Variants in DERA observed in about 807,000 individuals in gnomAD.
DERA encodes 2-deoxy-D-ribose 5-phosphate aldolase.
In DERA, 15 loss-of-function variants were observed where a neutral mutation model predicts 41.1. That is an observed-to-expected ratio of 0.37 (90% CI 0.24 to 0.56). DERA has a LOEUF of 0.56. DERA is among the 20% of genes least tolerant of loss of function. The pLI, the probability that DERA is intolerant of heterozygous loss-of-function variation, is 0.81. For missense variants in DERA, 396 were observed against 403.4 expected (o/e 0.98, Z 0.16); for synonymous variants, 139 against 137.4 (o/e 1.01, Z -0.08).
Position 15,925,682 on chromosome 12 carries a change from A to T in DERA, c.31+14268A>T, listed in dbSNP as rs568388894. On this transcript the variant is annotated intron_variant, in intron 1 of 8. Coordinates refer to ENST00000428559, the MANE Select transcript of DERA (RefSeq NM_015954.4). The stretch of plus-strand genomic sequence containing the variant: ...ATTGCCTAGTATCATCTCCTGAAGA[A>T]GTAGAACTTTGAAGGTTTAGTCCCT... Among the ~76,000 whole-genome samples, 4 of 152,286 alleles carry T rather than the reference A, an allele frequency of 2.6e-5. No homozygotes were observed. The South Asian group carries it at 6.2e-4, about 24-fold the overall frequency.
At position 15,982,541 on chromosome 12, in the gene DERA, G is replaced by C. The variant is rs1948739912; in HGVS notation, c.637+105G>C. The C allele has an allele frequency of 7.9e-7, 1 of 1,264,546 alleles. No individual in the cohort carries two copies. Among genetic ancestry groups the C allele is most frequent in the African/African-American group, 1.5e-5 (1 of 66,196 alleles). 78.3% of individuals were successfully genotyped at this position (1,264,546 alleles called of 1,614,324 possible). On this transcript the variant is annotated intron_variant, in intron 6 of 8. Coordinates refer to ENST00000428559, the MANE Select transcript of DERA (RefSeq NM_015954.4). The surrounding 1 kb of genome is among the most constrained non-coding windows in gnomAD (Gnocchi z 4.0). ...TATTATTAAACGTGCTAACCACTTG[G>C]AATTTTTTTGCGGGAGGAATCGGAT... is the stretch of plus-strand genomic sequence containing the variant.
In DERA at chr12:16,032,524, T is replaced by TGAC; in HGVS notation, c.638-18_638-17insGAC. 1.5e-6 allele frequency: 2 copies of TGAC among 1,303,070 alleles called. No individual in the cohort carries two copies. The highest frequency in any genetic ancestry group is 1.0e-6 in the Non-Finnish European group (1 of 976,410). The allele number at this position is 1,303,070 out of a possible 1,614,324, so 80.7% of individuals were successfully genotyped here. A position where few individuals can be genotyped will look rare whatever the true frequency, so the allele number is the denominator to read the frequency against. Reference sequence around the variant, plus strand: ...AGAATCTTTAATTAACATGGAGTTTTTCCTCTTTTTGTTTTAGGATCAGAT... The same window carrying TGAC: ...AGAATCTTTAATTAACATGGAGTTTTGACTCCTCTTTTTGTTTTAGGATCAGAT... On this transcript the variant is annotated splice_polypyrimidine_tract_variant and intron_variant, in intron 6 of 8. Coordinates refer to ENST00000428559, the MANE Select transcript of DERA (RefSeq NM_015954.4).
rs370689778 is a variant in DERA at position 15,911,693 on chromosome 12, C to T, written c.31+279C>T. On this transcript the variant is annotated intron_variant, in intron 1 of 8. Coordinates refer to ENST00000428559, the MANE Select transcript of DERA (RefSeq NM_015954.4). The surrounding 1 kb of genome is among the most constrained non-coding windows in gnomAD (Gnocchi z 4.5). The stretch of plus-strand genomic sequence containing the variant: ...TCCTGCCTTTTCGTTCACTCTAGCT[C>T]GCTGGTTGGAAAACCCAACAACCCA... The T allele has an allele frequency of 3.0e-6, 2 of 669,178 alleles. No individual in the cohort carries two copies. The highest frequency in any genetic ancestry group is 2.0e-5 in the Admixed American group (1 of 48,900). 41.5% of individuals were successfully genotyped at this position (669,178 alleles called of 1,614,324 possible).
intron 5 of DERA, among the ~76,000 whole-genome samples, chr12:15,969,690 G>T (rs1247437791): frequency 6.6e-6 from 1 of 152,162 alleles, no homozygotes; most frequent in Admixed American, 6.5e-5. Flanking sequence ...CTTACATGAA[G>T]AGAATCCTAA....
Position 16,004,920 on chromosome 12 carries a change from A to C in DERA, c.637+22484A>C, listed in dbSNP as rs1948899521. On this transcript the variant is annotated intron_variant, in intron 6 of 8. Coordinates refer to ENST00000428559, the MANE Select transcript of DERA (RefSeq NM_015954.4). The surrounding 1 kb of genome is among the most constrained non-coding windows in gnomAD (Gnocchi z 4.2). The stretch of plus-strand genomic sequence containing the variant: ...ATAATTTAATGGGATTTATGAACCT[A>C]TTTTAAGAGTTAGAGTCTGTGAATA... Among the ~76,000 whole-genome samples the C allele has an allele frequency of 6.6e-6, 1 of 152,208 alleles. No individual in the cohort carries two copies. Among genetic ancestry groups the C allele is most frequent in the Non-Finnish European group, 1.5e-5 (1 of 68,020 alleles).
intron 1 of DERA, among the ~76,000 whole-genome samples, chr12:15,934,693 C>T (rs544949138): frequency 2.6e-5 from 4 of 152,200 alleles, no homozygotes; most frequent in African/African-American, 7.2e-5. Context: ...CCTCTTTCTT[C>T]GACTTCTTGA....
chr12:15,994,517 G>A lies in DERA; in HGVS notation c.637+12081G>A, dbSNP rs543442255. 1.3e-5 allele frequency among the ~76,000 whole-genome samples: 2 copies of A among 152,250 alleles called. No homozygotes were observed. Among genetic ancestry groups the A allele is most frequent in the Admixed American group, 6.5e-5 (1 of 15,294 alleles). On this transcript the variant is annotated intron_variant, in intron 6 of 8. Transcript: ENST00000428559. The surrounding 1 kb of genome is among the most constrained non-coding windows in gnomAD (Gnocchi z 4.8). ...CGCCCAGGCTGGAGTGCAGTGGCGCGATCTCTGCTCACTGCAAGCTCTGCC... is the reference window on the plus strand; with the variant it reads ...CGCCCAGGCTGGAGTGCAGTGGCGCAATCTCTGCTCACTGCAAGCTCTGCC...
At chr12:16,002,623 C>A (rs1192679948) in intron 6 of DERA, among the ~76,000 whole-genome samples, 5 of 152,148 alleles carry the variant, frequency 3.3e-5, no homozygotes, top group African/African-American at 1.2e-4. Context: ...CACACAAATC[C>A]TCTCAGCAAA....
In DERA at chr12:15,992,713, C is replaced by A. The variant is rs1948810356; in HGVS notation, c.637+10277C>A. On this transcript the variant is annotated intron_variant, in intron 6 of 8. Coordinates refer to ENST00000428559, the MANE Select transcript of DERA (RefSeq NM_015954.4). This position sits in a 1 kb window ranked among gnomAD's most constrained non-coding sequence, Gnocchi z 4.3. ...ACTTACAGAAAAGAGAAGTGTAAAG[C>A]AGGTCAATCTACTGCTAAGGGATTT... Among the ~76,000 whole-genome samples the A allele has an allele frequency of 3.9e-5, 6 of 152,084 alleles. No individual in the cohort carries two copies. The highest frequency in any genetic ancestry group is 3.9e-4 in the Admixed American group (6 of 15,278).
In DERA at chr12:15,976,232, T is replaced by G. The variant is rs1948696104; in HGVS notation, c.509-6076T>G. On this transcript the variant is annotated intron_variant, in intron 5 of 8. Coordinates refer to ENST00000428559, the MANE Select transcript of DERA (RefSeq NM_015954.4). This position sits in a 1 kb window ranked among gnomAD's most constrained non-coding sequence, Gnocchi z 4.1. ...CCATTATCCATTATCTTCAGTATAT[T>G]CATCTTTTTTATCAATATTTGCCTT... is the stretch of plus-strand genomic sequence containing the variant. Among the ~76,000 whole-genome samples, 1 of 152,162 alleles carries G rather than the reference T, an allele frequency of 6.6e-6. No individual in the cohort carries two copies. Among genetic ancestry groups the G allele is most frequent in the Non-Finnish European group, 1.5e-5 (1 of 68,024 alleles).
intron 1 of DERA, among the ~76,000 whole-genome samples, chr12:15,927,345 C>G (rs779541973): frequency 6.6e-6 from 1 of 152,046 alleles, no homozygotes; most frequent in Non-Finnish European, 1.5e-5. Flanking sequence ...TCATTGGTAC[C>G]ATTCTGTGAC....
Position 15,993,600 on chromosome 12 carries a change from G to C in DERA, c.637+11164G>C, listed in dbSNP as rs980788339. ...TGGGGAAAGCATAAGACCATAGTTTGTATTGGGTTAAGAGATAAAAGATTT... is the reference window on the plus strand; with the variant it reads ...TGGGGAAAGCATAAGACCATAGTTTCTATTGGGTTAAGAGATAAAAGATTT... On this transcript the variant is annotated intron_variant, in intron 6 of 8. Transcript: ENST00000428559. This position sits in a 1 kb window ranked among gnomAD's most constrained non-coding sequence, Gnocchi z 4.4. Among the ~76,000 whole-genome samples, 4 of 151,898 alleles carry C rather than the reference G, an allele frequency of 2.6e-5. No individual in the cohort carries two copies. The highest frequency in any genetic ancestry group is 4.8e-5 in the African/African-American group (2 of 41,342).
rs934148189 is a variant in DERA at position 15,922,097 on chromosome 12, C to G, written c.31+10683C>G. On this transcript the variant is annotated intron_variant, in intron 1 of 8. Coordinates refer to ENST00000428559, the MANE Select transcript of DERA (RefSeq NM_015954.4). This position sits in a 1 kb window ranked among gnomAD's most constrained non-coding sequence, Gnocchi z 4.9. The stretch of plus-strand genomic sequence containing the variant: ...GCATGTGTATGTTGAGTACTGTGAA[C>G]TCATCACTGTCCATGTCTTTGTGAA... 2.0e-5 allele frequency among the ~76,000 whole-genome samples: 3 copies of G among 152,072 alleles called. No individual in the cohort carries two copies. Among genetic ancestry groups the G allele is most frequent in the East Asian group, 1.9e-4 (1 of 5,196 alleles).
At position 15,936,959 on chromosome 12, in the gene DERA, C is replaced by CCCGTCCTGT. The variant is rs1948372863; in HGVS notation, c.32-19975_32-19974insGTCCTGTCC. Among the ~76,000 whole-genome samples, 36 of 139,840 alleles carry CCCGTCCTGT rather than the reference C, an allele frequency of 2.6e-4. No individual in the cohort carries two copies. The highest frequency in any genetic ancestry group is 1.0e-3 in the African/African-American group (35 of 33,524). 91.7% of individuals were successfully genotyped at this position (139,840 alleles called of 152,430 possible). On this transcript the variant is annotated intron_variant, in intron 1 of 8. Transcript: ENST00000428559. The surrounding 1 kb of genome is among the most constrained non-coding windows in gnomAD (Gnocchi z 4.6). Reference sequence around the variant, plus strand: ...TCTTGTCCTGTCCCGTCCTGTCCTGCCCTGCCCTGCCCTGTCTTGTCTTTC... The same window carrying CCCGTCCTGT: ...TCTTGTCCTGTCCCGTCCTGTCCTGCCCGTCCTGTCCTGCCCTGCCCTGTCTTGTCTTTC...
Position 15,956,931 on chromosome 12 carries a change from T to C in DERA, c.32-5T>C, listed in dbSNP as rs769304465. ...TTTCAGAAAGTGTTTTTCTGTCTGT[T>C]TTAGACCTTAGCTGGATCTCCAAAA... On this transcript the variant is annotated splice_polypyrimidine_tract_variant and splice_region_variant and intron_variant, in intron 1 of 8. Coordinates refer to ENST00000428559, the MANE Select transcript of DERA (RefSeq NM_015954.4). The C allele has an allele frequency of 6.2e-7, 1 of 1,612,096 alleles. No homozygotes were observed.
Position 15,988,102 on chromosome 12 carries a change from G to A in DERA, c.637+5666G>A, listed in dbSNP as rs900348351. Among the ~76,000 whole-genome samples the A allele has an allele frequency of 6.6e-6, 1 of 152,178 alleles. No homozygotes were observed. The highest frequency in any genetic ancestry group is 1.5e-5 in the Non-Finnish European group (1 of 68,038). The stretch of plus-strand genomic sequence containing the variant: ...GTGCCCAAAAACTTGGAGACACCAG[G>A]AACCACAGAGCCCCAAAGAGGGTGT... On this transcript the variant is annotated intron_variant, in intron 6 of 8. Transcript: ENST00000428559. This position sits in a 1 kb window ranked among gnomAD's most constrained non-coding sequence, Gnocchi z 6.0.
In DERA at chr12:15,936,861, T is replaced by C. The variant is rs111880627; in HGVS notation, c.32-20075T>C. ...ATCTTCTGTCTTGTGTTGTCTTGTC[T>C]TGTCTTGTCTTGTCTTGTCTTGTCT... On this transcript the variant is annotated intron_variant, in intron 1 of 8. Transcript: ENST00000428559. This position sits in a 1 kb window ranked among gnomAD's most constrained non-coding sequence, Gnocchi z 4.6. 1.2e-4 allele frequency among the ~76,000 whole-genome samples: 16 copies of C among 130,996 alleles called. No individual in the cohort carries two copies. The highest frequency in any genetic ancestry group is 5.0e-4 in the African/African-American group (15 of 29,768). 85.9% of individuals were successfully genotyped at this position (130,996 alleles called of 152,430 possible).
In DERA at chr12:15,970,907, A is replaced by G. The variant is rs770455950; in HGVS notation, c.508+7960A>G. Among the ~76,000 whole-genome samples the G allele has an allele frequency of 1.3e-5, 2 of 152,230 alleles. No individual in the cohort carries two copies. Among genetic ancestry groups the G allele is most frequent in the Non-Finnish European group, 2.9e-5 (2 of 68,052 alleles). On this transcript the variant is annotated intron_variant, in intron 5 of 8. Coordinates refer to ENST00000428559, the MANE Select transcript of DERA (RefSeq NM_015954.4). The surrounding 1 kb of genome is among the most constrained non-coding windows in gnomAD (Gnocchi z 4.3). ...TACATTCTTCAGGTAAGAAGTGAAAATAGAGAATAAATGGTGTTACCATCT... is the reference window on the plus strand; with the variant it reads ...TACATTCTTCAGGTAAGAAGTGAAAGTAGAGAATAAATGGTGTTACCATCT...
chr12:15,981,042 T>C lies in DERA; in HGVS notation c.509-1266T>C, dbSNP rs1394889877. The stretch of plus-strand genomic sequence containing the variant: ...TTTCCCTCCTGCTTGGTTTACTCTG[T>C]ATGTTTATAAAACTACTTCCTATGG... On this transcript the variant is annotated intron_variant, in intron 5 of 8. Transcript: ENST00000428559. The surrounding 1 kb of genome is among the most constrained non-coding windows in gnomAD (Gnocchi z 6.1). 1.3e-5 allele frequency among the ~76,000 whole-genome samples: 2 copies of C among 152,138 alleles called. No individual in the cohort carries two copies. Among genetic ancestry groups the C allele is most frequent in the East Asian group, 3.9e-4 (2 of 5,176 alleles).
Sources: allele counts gnomAD v4.1 joint callset (sites outside exome capture counted in the v4.1 genomes callset), GRCh38; gene constraint gnomAD v4.1.1; non-coding constraint Gnocchi (gnomAD v3.1); transcripts MANE v1.5; gene names NCBI Gene and HGNC (gene_info 2026-07-23, HGNC 2026-07-21).